ASPH: variants seen among roughly 807,000 people sequenced by gnomAD.
ASPH encodes the protein aspartate beta-hydroxylase.
A neutral mutation model predicts 118.4 loss-of-function variants in ASPH; 100 were observed. The ratio of observed to expected loss-of-function variants is 0.84; its 90% confidence interval spans 0.72 to 1.00. ASPH has a LOEUF of 1.00. Ranked by LOEUF, ASPH falls within the 50% of genes least tolerant of loss-of-function variation. ASPH has a pLI of 0.00. For synonymous variants in ASPH, 315 were observed against 325.6 expected, an observed-to-expected ratio of 0.97 and a Z score of 0.35; for missense variants, 920 against 919.5, an observed-to-expected ratio of 1.00 and a Z score of -0.01.
rs1845427829 is a variant in ASPH at position 61,605,880 on chromosome 8, TTCTC to T, written c.976+13094_976+13097del. On this transcript the variant is annotated intron_variant, in intron 14 of 24. Coordinates refer to ENST00000379454, the MANE Select transcript of ASPH (RefSeq NM_004318.4). ...GGCAATTTTAAAATATTCCTCATTTTTCTCTCTTTCTAACAAGTCTCTTCACTTG... is the reference window on the plus strand; with the variant it reads ...GGCAATTTTAAAATATTCCTCATTTTTCTTTCTAACAAGTCTCTTCACTTG... Among the ~76,000 whole-genome samples the T allele has an allele frequency of 2.6e-5, 4 of 152,346 alleles. No individual in the cohort carries two copies. The East Asian group carries it at 7.7e-4, about 29-fold the overall frequency.
At chr8:61,646,089 G>A (rs892423354) in intron 6 of ASPH, among the ~76,000 whole-genome samples, 22 of 152,176 alleles carry the variant, frequency 1.4e-4, no homozygotes, top group Non-Finnish European at 2.6e-4. Flanking sequence ...AGAGGCTGAG[G>A]TGAGAGGACT....
At chr8:61,676,569 C>T (rs1231172285) in intron 3 of ASPH, among the ~76,000 whole-genome samples, 1 of 152,104 alleles carries the variant, frequency 6.6e-6, no homozygotes, top group African/African-American at 2.4e-5. Context: ...GTTTACCTTT[C>T]TCTCATTAGA....
At chr8:61,518,918 A>G (rs995861922) in intron 22 of ASPH, among the ~76,000 whole-genome samples, 1 of 152,226 alleles carries the variant, frequency 6.6e-6, no homozygotes, top group Non-Finnish European at 1.5e-5. Flanking sequence ...GGAAAAATAC[A>G]CAAGAACCAT....
chr8:61,505,029 C>T (rs1805899806), intron 24 of ASPH, among the ~76,000 whole-genome samples: 2 of 152,024 alleles, frequency 1.3e-5, no homozygotes, highest in Non-Finnish European at 2.9e-5. Context: ...GAATTGTACT[C>T]CCATAATTCC....
At chr8:61,550,131 C>T (rs182380949) in intron 20 of ASPH, among the ~76,000 whole-genome samples, 2 of 152,128 alleles carry the variant, frequency 1.3e-5, no homozygotes, top group East Asian at 3.9e-4. Flanking sequence ...TAATATGTGA[C>T]ACAGGGGACC....
chr8:61,547,412 C>T (rs1824308432), intron 21 of ASPH, among the ~76,000 whole-genome samples: 1 of 152,200 alleles, frequency 6.6e-6, no homozygotes, highest in African/African-American at 2.4e-5. Flanking sequence ...TGAGAGTTCT[C>T]TAGACCCTTT....
chr8:61,562,773 T>C lies in ASPH; in HGVS notation c.1408A>G (p.Asn470Asp). ...TCATAAACTTTCTTTGCATTGTCAT[T>C]ATCTCCTATCAAGAGGTATCCCACG... ...LGVGYLLIGD[N>D]DNAKKVYEEV... Residue 470 changes from asparagine to aspartate, a missense_variant, in exon 18 of 25, where the codon AAT becomes GAT. Asn to Asp is a conservative substitution (Grantham distance 23). Transcript: ENST00000379454. 3 of 1,610,060 alleles carry C rather than the reference T, an allele frequency of 1.9e-6. No individual in the cohort carries two copies. Among genetic ancestry groups the C allele is most frequent in the Non-Finnish European group, 2.5e-6 (3 of 1,178,640 alleles).
intron 3 of ASPH, chr8:61,675,929 AC>A (rs1193368294): frequency 1.4e-5 from 21 of 1,489,372 alleles, no homozygotes; most frequent in Non-Finnish European, 1.2e-5. Flanking sequence ...TAGTAGCTGT[AC>A]TGGGCAAGAT....
intron 14 of ASPH, among the ~76,000 whole-genome samples, chr8:61,587,066 C>T (rs1348555357): frequency 6.6e-6 from 1 of 152,184 alleles, no homozygotes; most frequent in African/African-American, 2.4e-5. Context: ...TTTAATTCAA[C>T]TTTCATCAAG....
At chr8:61,560,099 A>G (rs1042645806) in intron 18 of ASPH, among the ~76,000 whole-genome samples, 1 of 152,252 alleles carries the variant, frequency 6.6e-6, no homozygotes. Flanking sequence ...TCATGTGGGC[A>G]CATTCTGCGT....
intron 14 of ASPH, among the ~76,000 whole-genome samples, chr8:61,617,825 C>T (rs1263966911): frequency 1.3e-5 from 2 of 149,118 alleles, no homozygotes; most frequent in Admixed American, 6.8e-5. Flanking sequence ...CCCAGCTACT[C>T]GGGAGGCTGA....
At chr8:61,605,112 T>TGAATA (rs1414169199) in intron 14 of ASPH, among the ~76,000 whole-genome samples, 1 of 152,224 alleles carries the variant, frequency 6.6e-6, no homozygotes, top group Non-Finnish European at 1.5e-5. Flanking sequence ...TTGTAGATGT[T>TGAATA]TGTTTTCACA....
chr8:61,561,270 C>T (rs115944605), intron 18 of ASPH, among the ~76,000 whole-genome samples: 1 of 152,312 alleles, frequency 6.6e-6, no homozygotes, highest in African/African-American at 2.4e-5. Flanking sequence ...TGATGCTTCT[C>T]TTAACCATAC....
chr8:61,696,502 T>G (rs1412838543), intron 1 of ASPH, among the ~76,000 whole-genome samples: 1 of 152,170 alleles, frequency 6.6e-6, no homozygotes, highest in Non-Finnish European at 1.5e-5. Flanking sequence ...GTCATACGAA[T>G]TTGTGATGGA....
intron 13 of ASPH, among the ~76,000 whole-genome samples, chr8:61,621,175 T>C (rs1374167133): frequency 6.6e-6 from 1 of 152,162 alleles, no homozygotes; most frequent in African/African-American, 2.4e-5. Context: ...AGCTCTCTTA[T>C]TCTCATTCTT....
rs193152920 is a variant in ASPH at position 61,693,297 on chromosome 8, C to T, written c.104-9109G>A. Among the ~76,000 whole-genome samples, 13 of 152,314 alleles carry T rather than the reference C, an allele frequency of 8.5e-5. No individual in the cohort carries two copies. In the East Asian group the frequency reaches 2.3e-3, roughly 27 times the overall value. On this transcript the variant is annotated intron_variant, in intron 1 of 24. Coordinates refer to ENST00000379454, the MANE Select transcript of ASPH (RefSeq NM_004318.4). ...TCATAAACGCAACCTAATTCATGTT[C>T]CTCTTCACACCTTGTTTCTTGTTGG...
In ASPH at chr8:61,548,135, A is replaced by G; in HGVS notation, c.1700T>C (p.Val567Ala). The G allele has an allele frequency of 6.2e-7, 1 of 1,613,996 alleles. No homozygotes were observed. The highest frequency in any genetic ancestry group is 8.5e-7 in the Non-Finnish European group (1 of 1,179,920). ...ASVWQRSLYN[V>A]NGLKAQPWWT... ...CCAAGGCTGTGCTTTCAGTCCATTC[A>G]CATTGTAGAGTGAGCGTTGCCAGAC... The change falls in exon 21 of 25, where the codon GTG becomes GCG. Residue 567 changes from valine (V) to alanine (A), a missense_variant. Physicochemically the swap from Val to Ala is moderately conservative, Grantham distance 64. Transcript: ENST00000379454.
chr8:61,679,931 A>T (rs2151597954), intron 3 of ASPH, among the ~76,000 whole-genome samples: 1 of 145,178 alleles, frequency 6.9e-6, no homozygotes, highest in South Asian at 2.2e-4. Flanking sequence ...CTAATTCCCA[A>T]TGGGCAATAA....
At chr8:61,560,352 C>A (rs751349945) in intron 18 of ASPH, among the ~76,000 whole-genome samples, 18 of 151,906 alleles carry the variant, frequency 1.2e-4, no homozygotes, top group Middle Eastern at 3.2e-3. Context: ...TTCTTTGTTG[C>A]AACTAAAAGC....
Sources: gnomAD v4.1 joint callset for allele counts (sites outside exome capture counted in the v4.1 genomes callset) on GRCh38, gnomAD v4.1.1 for gene constraint, MANE v1.5 for transcripts, NCBI Gene and HGNC (gene_info 2026-07-23, HGNC 2026-07-21) for gene names.